The following EYS variants were observed in gnomAD, a reference collection of about 807,000 sequenced individuals.
EYS encodes protein eyes shut homolog.
A neutral mutation model predicts 282.1 loss-of-function variants in EYS; 250 were observed. That is an observed-to-expected ratio of 0.89 (90% confidence interval 0.80 to 0.98). EYS has a LOEUF of 0.98. Among genes scored for constraint, EYS ranks in the 50% least tolerant of loss-of-function variants. EYS has a pLI of 0.00. For synonymous variants in EYS, 1,355 were observed against 1,282.9 expected (o/e 1.06, Z -1.20); for missense variants, 4,016 against 3,709.0 (o/e 1.08, Z -2.15).
chr6:64,366,817 G>T (rs966965096), intron 29 of EYS, among the ~76,000 whole-genome samples: 18 of 152,032 alleles, frequency 1.2e-4, no homozygotes, highest in African/African-American at 4.1e-4. Flanking sequence ...AGATTTCTAG[G>T]CTGTTGAAAG....
chr6:65,388,345 T>C (rs1329629733), intron 7 of EYS, among the ~76,000 whole-genome samples: 1 of 151,884 alleles, frequency 6.6e-6, no homozygotes, highest in Non-Finnish European at 1.5e-5. Context: ...AAATTATAAA[T>C]ACATGAGTAT....
intron 2 of EYS, among the ~76,000 whole-genome samples, chr6:65,514,046 T>C (rs1297344992): frequency 6.6e-6 from 1 of 151,944 alleles, no homozygotes; most frequent in Non-Finnish European, 1.5e-5. Context: ...AAAACCCCAT[T>C]GTCTCAGCCC....
intron 26 of EYS, among the ~76,000 whole-genome samples, chr6:64,445,154 T>C (rs1039588878): frequency 6.6e-6 from 1 of 152,244 alleles, no homozygotes; most frequent in African/African-American, 2.4e-5. Context: ...CAGGACGATA[T>C]TTTGCACACA....
chr6:64,098,902 C>T (rs779743246), intron 31 of EYS, among the ~76,000 whole-genome samples: 5 of 152,140 alleles, frequency 3.3e-5, no homozygotes, highest in Admixed American at 6.5e-5. Context: ...TGCACCTGGC[C>T]GTAATGTTTT....
intron 26 of EYS, among the ~76,000 whole-genome samples, chr6:64,492,469 TTTGTTG>T (rs199757089): frequency 0.023 from 3,470 of 151,216 alleles, 34 homozygotes; most frequent in South Asian, 0.035. Flanking sequence ...GTCCTGTTTT[TTTGTTG>T]TTGTTGTTGT....
At chr6:65,658,323 A>G (rs1248174403) in intron 1 of EYS, among the ~76,000 whole-genome samples, 1 of 151,694 alleles carries the variant, frequency 6.6e-6, no homozygotes, top group Non-Finnish European at 1.5e-5. Flanking sequence ...AACTATAAAA[A>G]TCTGAAAACT....
intron 33 of EYS, among the ~76,000 whole-genome samples, chr6:64,013,314 T>C (rs1010333363): frequency 3.3e-5 from 5 of 152,236 alleles, no homozygotes; most frequent in Admixed American, 2.6e-4. Flanking sequence ...CTAGATTTCA[T>C]GGTCTCCTGG....
At chr6:64,245,210 G>A (rs374819599) in intron 30 of EYS, among the ~76,000 whole-genome samples, 9 of 152,044 alleles carry the variant, frequency 5.9e-5, no homozygotes, top group African/African-American at 2.2e-4. Context: ...TATACACCAT[G>A]GAATACTATG....
At chr6:64,762,022 G>C (rs193056890) in intron 22 of EYS, among the ~76,000 whole-genome samples, 1 of 152,060 alleles carries the variant, frequency 6.6e-6, no homozygotes, top group African/African-American at 2.4e-5. Flanking sequence ...ATGATATATT[G>C]TATATTTCAA....
intron 12 of EYS, among the ~76,000 whole-genome samples, chr6:65,104,618 T>C (rs912330168): frequency 6.6e-6 from 1 of 151,580 alleles, no homozygotes; most frequent in Non-Finnish European, 1.5e-5. Context: ...AGTTCACTTC[T>C]TATCAACTCA....
intron 15 of EYS, among the ~76,000 whole-genome samples, chr6:64,929,165 G>A (rs1037886157): frequency 2.6e-5 from 4 of 152,082 alleles, no homozygotes; most frequent in Non-Finnish European, 5.9e-5. Context: ...AAAAAGGGGG[G>A]AAATTTTGAC....
intron 12 of EYS, among the ~76,000 whole-genome samples, chr6:65,099,090 C>A (rs2150182324): frequency 6.6e-6 from 1 of 150,394 alleles, no homozygotes; most frequent in African/African-American, 2.4e-5. Context: ...GAATATATAT[C>A]TATATATATA....
Position 63,727,445 on chromosome 6 carries a change from A to AT in EYS, c.8072-766dup, listed in dbSNP as rs537004498. Among the ~76,000 whole-genome samples the AT allele has an allele frequency of 3.5e-3, 533 of 151,388 alleles. 5 individuals are homozygous for AT. The highest frequency in any genetic ancestry group is 0.012 in the African/African-American group (513 of 41,192). The stretch of plus-strand genomic sequence containing the variant: ...ATCCAAGAGGTGTTGGCATTTGCTG[A>AT]TTTTTTTTAAAAAACTGTACTCATT... On this transcript the variant is annotated intron_variant, in intron 41 of 42. Coordinates refer to ENST00000503581, the MANE Select transcript of EYS (RefSeq NM_001142800.2).
chr6:64,318,216 ATGT>A (rs1249643619), intron 29 of EYS, among the ~76,000 whole-genome samples: 2 of 151,984 alleles, frequency 1.3e-5, no homozygotes, highest in African/African-American at 4.8e-5. Flanking sequence ...CATTTCAAAC[ATGT>A]TGTCTTACAT....
chr6:63,738,062 G>T (rs1302224018), intron 41 of EYS, among the ~76,000 whole-genome samples: 1 of 151,692 alleles, frequency 6.6e-6, no homozygotes, highest in Non-Finnish European at 1.5e-5. Context: ...AGTTAGAATG[G>T]TAATCATTAA....
At chr6:64,025,467 C>T (rs1769451558) in intron 33 of EYS, among the ~76,000 whole-genome samples, 1 of 152,204 alleles carries the variant, frequency 6.6e-6, no homozygotes, top group Non-Finnish European at 1.5e-5. Flanking sequence ...GACAAACTTC[C>T]TCTCGCCTCT....
At chr6:64,160,364 G>A (rs1243195553) in intron 31 of EYS, among the ~76,000 whole-genome samples, 2 of 152,122 alleles carry the variant, frequency 1.3e-5, no homozygotes, top group Admixed American at 1.3e-4. Flanking sequence ...CTCATGTACT[G>A]AGTGTATCAT....
intron 30 of EYS, among the ~76,000 whole-genome samples, chr6:64,300,504 CT>C (rs542199345): frequency 1.1e-4 from 17 of 152,250 alleles, no homozygotes; most frequent in Admixed American, 8.5e-4. Flanking sequence ...CCTAAAACGA[CT>C]CCAAATCCCA....
chr6:64,994,436 G>A (rs993582137), intron 14 of EYS, among the ~76,000 whole-genome samples: 2 of 152,096 alleles, frequency 1.3e-5, no homozygotes, highest in Non-Finnish European at 1.5e-5. Flanking sequence ...GAAGATGCAA[G>A]CCACATGTCA....
Sources: gnomAD v4.1 joint callset for allele counts (sites outside exome capture counted in the v4.1 genomes callset) on GRCh38, gnomAD v4.1.1 for gene constraint, MANE v1.5 for transcripts, NCBI Gene and HGNC (gene_info 2026-07-23, HGNC 2026-07-21) for gene names.